Variants in MCC observed in about 807,000 individuals in gnomAD.
MCC encodes colorectal mutant cancer protein.
In MCC, 90 loss-of-function variants were observed where a neutral mutation model predicts 116.2. That is an observed-to-expected ratio of 0.77 (90% CI 0.65 to 0.92). The LOEUF (loss-of-function observed/expected upper bound fraction) is 0.92. MCC is among the 40% of genes least tolerant of loss of function. The pLI, the probability that MCC is intolerant of heterozygous loss-of-function variation, is 0.00. For missense variants in MCC, 1,516 were observed against 1,312.2 expected, an observed-to-expected ratio of 1.16 and a Z score of -2.40; for synonymous variants, 578 against 510.5, an observed-to-expected ratio of 1.13 and a Z score of -1.78.
chr5:113,312,956 C>T (rs1225500137), intron 3 of MCC, among the ~76,000 whole-genome samples: 1 of 152,144 alleles, frequency 6.6e-6, no homozygotes, highest in East Asian at 1.9e-4. Context: ...CACAAGATTC[C>T]TCCTCTTGAT....
At chr5:113,312,641 G>C (rs1020352218) in intron 3 of MCC, among the ~76,000 whole-genome samples, 3 of 152,218 alleles carry the variant, frequency 2.0e-5, no homozygotes, top group Admixed American at 6.5e-5. Context: ...TGTAGATGAT[G>C]TGAAGGGTTT....
At chr5:113,112,481 C>G (rs969063054) in intron 6 of MCC, among the ~76,000 whole-genome samples, 1 of 152,174 alleles carries the variant, frequency 6.6e-6, no homozygotes, top group Non-Finnish European at 1.5e-5. Flanking sequence ...CACCTTCTGC[C>G]GTAATTGTAA....
chr5:113,164,363 C>T (rs2900068), intron 3 of MCC, among the ~76,000 whole-genome samples: 151,008 of 152,368 alleles, frequency 0.99, 74,839 homozygotes, highest in Middle Eastern at 1. Flanking sequence ...TCTAGTTCCA[C>T]AAGTAGGATA....
intron 3 of MCC, among the ~76,000 whole-genome samples, chr5:113,257,827 ATACCACATGT>A (rs1477372707): frequency 6.6e-6 from 1 of 152,198 alleles, no homozygotes; most frequent in Non-Finnish European, 1.5e-5. Flanking sequence ...GTGATAATCA[ATACCACATGT>A]TCCCGAGGGA....
rs930964642 is a variant in MCC, at chr5:113,238,531, G to A, written c.628-87109C>T. On this transcript the variant is annotated intron_variant, in intron 3 of 18. Coordinates refer to ENST00000408903, the MANE Select transcript of MCC (RefSeq NM_001085377.2). ...TAACAAAAAAATCCTGGTGCTTTAC[G>A]ACAGACCCAATTTTGCTTACAGATT... Among the ~76,000 whole-genome samples, 22 of 152,238 alleles carry A rather than the reference G, an allele frequency of 1.4e-4. No individual in the cohort carries two copies. In the East Asian group the frequency reaches 1.5e-3, roughly 11 times the overall value.
intron 2 of MCC, among the ~76,000 whole-genome samples, chr5:113,347,321 C>T (rs918271021): frequency 1.3e-5 from 2 of 151,922 alleles, no homozygotes; most frequent in South Asian, 2.1e-4. Context: ...AGAGAAAGAA[C>T]AAAAAGTTAA....
rs1483121056 is a variant in MCC at position 113,454,175 on chromosome 5, G to A, written c.170+34070C>T. Among the ~76,000 whole-genome samples the A allele has an allele frequency of 3.9e-5, 6 of 152,218 alleles. 1 individual carries two copies. On this transcript the variant is annotated intron_variant, in intron 1 of 18. Coordinates refer to ENST00000408903, the MANE Select transcript of MCC (RefSeq NM_001085377.2). ...TATTTGAAAAAATCCTAAGATCATA[G>A]CTCGATGCAGCCTTGATCTCCTGGG...
At chr5:113,172,008 T>C (rs1331403875) in intron 3 of MCC, among the ~76,000 whole-genome samples, 1 of 152,152 alleles carries the variant, frequency 6.6e-6, no homozygotes, top group Non-Finnish European at 1.5e-5. Context: ...TGACTTCAGG[T>C]ACTATGGGAG....
intron 1 of MCC, among the ~76,000 whole-genome samples, chr5:113,482,985 C>CCATAT (rs1339111096): frequency 6.6e-6 from 1 of 152,088 alleles, no homozygotes; most frequent in Non-Finnish European, 1.5e-5. Context: ...CCAGTTGTCC[C>CCATAT]CATATCATTT....
intron 3 of MCC, among the ~76,000 whole-genome samples, chr5:113,192,892 A>G (rs912039011): frequency 6.6e-6 from 1 of 152,262 alleles, no homozygotes; most frequent in African/African-American, 2.4e-5. Context: ...GGCTGCTGTA[A>G]CAAATACATG....
rs137874392 is a variant in MCC, at chr5:113,257,514, A to T, written c.627+83005T>A. ...CAGGAACAGAGAGTTTAAGTGAGAA[A>T]GAGACTGAGAAGCCTATTAAATAAG... On this transcript the variant is annotated intron_variant, in intron 3 of 18. Coordinates refer to ENST00000408903, the MANE Select transcript of MCC (RefSeq NM_001085377.2). Among the ~76,000 whole-genome samples, 939 of 152,304 alleles carry T rather than the reference A, an allele frequency of 6.2e-3. 19 individuals carry two copies. The highest frequency in any genetic ancestry group is 6.1e-3 in the Non-Finnish European group (414 of 68,020).
At chr5:113,366,614 G>C (rs796773435) in intron 2 of MCC, among the ~76,000 whole-genome samples, 6 of 152,152 alleles carry the variant, frequency 3.9e-5, no homozygotes, top group African/African-American at 1.4e-4. Flanking sequence ...TTTGTCTTCT[G>C]TTCCCAGAGT....
chr5:113,205,344 C>G (rs1371453588), intron 3 of MCC, among the ~76,000 whole-genome samples: 2 of 152,214 alleles, frequency 1.3e-5, no homozygotes, highest in Non-Finnish European at 1.5e-5. Flanking sequence ...AGAACACTAC[C>G]TGCCCTGCTT....
At chr5:113,119,281 G>A (rs927569102) in intron 6 of MCC, among the ~76,000 whole-genome samples, 1 of 152,216 alleles carries the variant, frequency 6.6e-6, no homozygotes, top group African/African-American at 2.4e-5. Flanking sequence ...CCATCCTCAG[G>A]GAGTGCTCCA....
intron 3 of MCC, among the ~76,000 whole-genome samples, chr5:113,211,497 C>A (rs1042121340): frequency 6.6e-6 from 1 of 152,220 alleles, no homozygotes; most frequent in African/African-American, 2.4e-5. Context: ...CAGCTTGATT[C>A]TAAAACAATC....
intron 1 of MCC, among the ~76,000 whole-genome samples, chr5:113,423,999 A>G (rs1770415217): frequency 6.6e-6 from 1 of 152,120 alleles, no homozygotes. Context: ...ACTGAAGGAC[A>G]TCCCTCTGGG....
intron 3 of MCC, among the ~76,000 whole-genome samples, chr5:113,270,439 A>T (rs1765569414): frequency 6.7e-6 from 1 of 149,224 alleles, no homozygotes; most frequent in African/African-American, 2.5e-5. Flanking sequence ...AAATTCATTC[A>T]AGTTTTTAGG....
At chr5:113,078,442 C>G (rs759621242) in intron 11 of MCC, among the ~76,000 whole-genome samples, 13 of 152,178 alleles carry the variant, frequency 8.5e-5, no homozygotes, top group Non-Finnish European at 1.8e-4. Context: ...AGCAGCACAT[C>G]AAAAAGCTTA....
At chr5:113,400,274 C>T (rs1039867019) in intron 1 of MCC, among the ~76,000 whole-genome samples, 5 of 151,912 alleles carry the variant, frequency 3.3e-5, no homozygotes, top group African/African-American at 4.8e-5. Flanking sequence ...AGGCGCCCGC[C>T]ACTATGCCCA....
Sources: allele counts gnomAD v4.1 joint callset (sites outside exome capture counted in the v4.1 genomes callset), GRCh38; gene constraint gnomAD v4.1.1; transcripts MANE v1.5; gene names NCBI Gene and HGNC (gene_info 2026-07-23, HGNC 2026-07-21).